Variants in HARS2 observed in about 807,000 individuals in gnomAD.
HARS2 encodes histidine--tRNA ligase, mitochondrial.
Under a neutral mutation model 62.4 loss-of-function variants are expected in HARS2, and 40 were observed. The ratio of observed to expected loss-of-function variants is 0.64; its 90% CI spans 0.50 to 0.83. The LOEUF is 0.83. Among genes scored for constraint, HARS2 ranks in the 40% least tolerant of loss-of-function variants. The pLI, the probability that HARS2 is intolerant of heterozygous loss-of-function variation, is 0.00. For missense variants in HARS2, 569 were observed against 626.4 expected (o/e 0.91, Z 0.98); for synonymous variants, 228 against 227.0 (o/e 1.00, Z -0.04).
chr5:140,697,552 T>C lies in HARS2; in HGVS notation c.1198-17T>C. The C allele has an allele frequency of 6.2e-7, 1 of 1,605,726 alleles. No homozygotes were observed. Among genetic ancestry groups the C allele is most frequent in the South Asian group, 1.1e-5 (1 of 90,892 alleles). On this transcript the variant is annotated splice_polypyrimidine_tract_variant and intron_variant, in intron 10 of 12. Transcript: ENST00000230771. ...AAAGGAGGTTTTTATTAGTTTTACT[T>C]TCTTCTCTCTTATTAGACCAAAGGT...
chr5:140,696,828 C>CTTTTTTTT (rs373912206), intron 8 of HARS2, 115 bp from the exon 9 acceptor site: 2 of 656,544 alleles, frequency 3.0e-6, no homozygotes. Flanking sequence ...AGACTGGGAT[C>CTTTTTTTT]TTTTTTTTTT....
chr5:140,697,102 A>G lies in HARS2; in HGVS notation c.954+32A>G, dbSNP rs1051629691. 2.5e-6 allele frequency: 4 copies of G among 1,613,972 alleles called. No individual in the cohort carries two copies. In the African/African-American group the frequency reaches 5.3e-5, roughly 22 times the overall value. ...TGAATTGCAAATGGACCTCCTGCTG[A>G]GCTCTAGGGCTCTCAGGGTCCCGAG... On this transcript the variant is annotated intron_variant, in intron 9 of 12. Coordinates refer to ENST00000230771, the MANE Select transcript of HARS2 (RefSeq NM_012208.4).
chr5:140,697,136 G>A (rs201884182), intron 9 of HARS2, 28 bp from the exon 10 acceptor site: 1 of 1,614,068 alleles, frequency 6.2e-7, no homozygotes, highest in Non-Finnish European at 8.5e-7. Context: ...AGTCTAGTTT[G>A]GGACTGACTG....
At chr5:140,696,912 A>G in intron 8 of HARS2, 31 bp from the exon 9 acceptor site, 3 of 1,601,952 alleles carry the variant, frequency 1.9e-6, no homozygotes, top group Non-Finnish European at 2.6e-6. Flanking sequence ...AACACATGTG[A>G]GTGAACAGCA....
Position 140,691,640 on chromosome 5 carries a change from TGCC to T in HARS2, c.-6_-4del. 6.5e-7 allele frequency: 1 copy of T among 1,541,794 alleles called. No individual in the cohort carries two copies. The highest frequency in any genetic ancestry group is 8.8e-7 in the Non-Finnish European group (1 of 1,138,808). ...TTCCTGTCCCGGAAAGCCGGCGTCC[TGCC>T]GCGCGATGCCCCTGCTCGGACTTCT... On this transcript the variant is annotated 5_prime_UTR_variant, in exon 1 of 13. Transcript: ENST00000230771.
At position 140,696,370 on chromosome 5, in the gene HARS2, A is replaced by G; in HGVS notation, c.733-151A>G. ...ATCTGAGTCATGCTATACAGTGGGG[A>G]TTGTGACTGGATTTCTTAAGCTGTC... On this transcript the variant is annotated intron_variant, in intron 7 of 12. Coordinates refer to ENST00000230771, the MANE Select transcript of HARS2 (RefSeq NM_012208.4). The G allele has an allele frequency of 5.0e-6, 4 of 801,002 alleles. No individual in the cohort carries two copies. The South Asian group carries it at 5.7e-5, about 11-fold the overall frequency. The allele number at this position is 801,002 out of a possible 1,614,324, so 49.6% of individuals were successfully genotyped here. A position where few individuals can be genotyped will look rare whatever the true frequency, so the allele number is the denominator to read the frequency against.
intron 1 of HARS2, 72 bp from the exon 2 acceptor site, chr5:140,693,519 A>G (rs748397129): frequency 1.2e-6 from 2 of 1,613,100 alleles, no homozygotes; most frequent in Non-Finnish European, 1.7e-6. Context: ...GTTGGTGGTC[A>G]ACAGGGTCAG....
intron 8 of HARS2, 67 bp downstream of exon 8, chr5:140,696,681 C>T: frequency 9.1e-7 from 1 of 1,097,890 alleles, no homozygotes; most frequent in Non-Finnish European, 1.4e-6. Context: ...CAAATTCTAC[C>T]TCTGAAACAA....
At chr5:140,692,397 T>C (rs1759538993) in intron 1 of HARS2, 1 of 154,316 alleles carries the variant, frequency 6.5e-6, no homozygotes, top group African/African-American at 2.4e-5. Context: ...AGATGCTTTG[T>C]GCTATCGTGA....
rs1581550428 is a variant in HARS2 at position 140,696,847 on chromosome 5, T to C, written c.827-96T>C. 2.7e-5 allele frequency: 30 copies of C among 1,121,012 alleles called. No individual in the cohort carries two copies. The East Asian group carries it at 7.2e-4, about 27-fold the overall frequency. 69.4% of individuals were successfully genotyped at this position (1,121,012 alleles called of 1,614,324 possible). Reference sequence around the variant, plus strand: ...TGGGATCTTTTTTTTTTTTTTTTTTTTTTAAAGAAAATGAGGAAGACTAGC... The same window carrying C: ...TGGGATCTTTTTTTTTTTTTTTTTTCTTTAAAGAAAATGAGGAAGACTAGC... On this transcript the variant is annotated intron_variant, in intron 8 of 12. Coordinates refer to ENST00000230771, the MANE Select transcript of HARS2 (RefSeq NM_012208.4).
chr5:140,698,645 T>C lies in HARS2; in HGVS notation c.*93T>C. On this transcript the variant is annotated 3_prime_UTR_variant, in exon 13 of 13. Transcript: ENST00000230771. ...ATTGAGTGATGGACTTCACAACAAC[T>C]AGCCAGGAAGGGTGACAAGTACCTT... 1 of 1,013,604 alleles carries C rather than the reference T, an allele frequency of 9.9e-7. No individual in the cohort carries two copies. The highest frequency in any genetic ancestry group is 1.3e-5 in the South Asian group (1 of 79,206). The allele number at this position is 1,013,604 out of a possible 1,614,324, so 62.8% of individuals were successfully genotyped here.
At chr5:140,698,407 C>A in intron 12 of HARS2, 86 bp from the exon 13 acceptor site, 1 of 1,003,328 alleles carries the variant, frequency 1.0e-6, no homozygotes, top group Non-Finnish European at 1.6e-6. Flanking sequence ...GGAGAAGATG[C>A]AGAGTAAAAC....
chr5:140,693,746 T>A (rs569354630), intron 2 of HARS2, 81 bp downstream of exon 2: 4 of 1,293,318 alleles, frequency 3.1e-6, no homozygotes, highest in South Asian at 2.4e-5. Flanking sequence ...TGACCCCTTT[T>A]AATGTTCTTT....
intron 8 of HARS2, 127 bp from the exon 9 acceptor site, chr5:140,696,816 T>G: frequency 9.0e-7 from 1 of 1,106,738 alleles, no homozygotes; most frequent in South Asian, 1.4e-5. Flanking sequence ...TCTTGTCATG[T>G]GAGACTGGGA....
intron 12 of HARS2, 94 bp downstream of exon 12, chr5:140,698,172 T>G (rs894834104): frequency 2.5e-6 from 3 of 1,213,020 alleles, no homozygotes; most frequent in African/African-American, 3.0e-5. Flanking sequence ...GAAATTATCT[T>G]CATGGTTAAT....
chr5:140,698,568 C>T lies in HARS2; in HGVS notation c.*16C>T. 2 of 1,596,628 alleles carry T rather than the reference C, an allele frequency of 1.3e-6. No individual in the cohort carries two copies. The highest frequency in any genetic ancestry group is 1.3e-5 in the African/African-American group (1 of 74,692). On this transcript the variant is annotated 3_prime_UTR_variant, in exon 13 of 13. Transcript: ENST00000230771. ...TGAGTCTTGATCCTTGCCTGATTCC[C>T]ATCTGCTGCTCTTTGTAGAAAAGGT...
At chr5:140,692,009 G>C in intron 1 of HARS2, 1 of 564,192 alleles carries the variant, frequency 1.8e-6, no homozygotes, top group South Asian at 2.1e-5. Flanking sequence ...ACTTATACAC[G>C]GATATGTAGT....
chr5:140,692,550 C>G (rs1295791243), intron 1 of HARS2, among the ~76,000 whole-genome samples: 1 of 152,168 alleles, frequency 6.6e-6, no homozygotes, highest in Non-Finnish European at 1.5e-5. Context: ...CTTCAAGTTA[C>G]AGTTTTCCTC....
At position 140,697,994 on chromosome 5, in the gene HARS2, A is replaced by G. The variant is rs1357530369; in HGVS notation, c.1377A>G (p.Thr459=). 1.2e-6 allele frequency: 2 copies of G among 1,613,934 alleles called. No individual in the cohort carries two copies. The highest frequency in any genetic ancestry group is 4.5e-5 in the East Asian group (2 of 44,888). ...CCCAGCTGCACTATTGTGAGAGCACAGGCATTCCACTGGTGGTCATTATTG... is the reference window on the plus strand; with the variant it reads ...CCCAGCTGCACTATTGTGAGAGCACGGGCATTCCACTGGTGGTCATTATTG... ...LLTQLHYCES[T]GIPLVVIIGE... Residue 459 remains threonine, a synonymous_variant, in exon 12 of 13, where the codon ACA becomes ACG. Coordinates refer to ENST00000230771, the MANE Select transcript of HARS2 (RefSeq NM_012208.4).
Sources: gnomAD v4.1 joint callset for allele counts (sites outside exome capture counted in the v4.1 genomes callset) on GRCh38, gnomAD v4.1.1 for gene constraint, MANE v1.5 for transcripts, NCBI Gene and HGNC (gene_info 2026-07-23, HGNC 2026-07-21) for gene names.